Variants in MXD4 observed in about 807,000 individuals in gnomAD.
MXD4 encodes the protein MAX dimerization protein 4.
Under a neutral mutation model 24.5 loss-of-function variants are expected in MXD4, and 16 were observed. The observed-to-expected ratio is 0.65, with a 90% CI of 0.44 to 0.99. MXD4 has a LOEUF of 0.99. Ranked by LOEUF, MXD4 falls within the 50% of genes least tolerant of loss-of-function variation. The pLI is 0.00. For missense variants in MXD4, 301 were observed against 301.5 expected, an observed-to-expected ratio of 1.00 and a Z score of 0.01; for synonymous variants, 164 against 134.2, an observed-to-expected ratio of 1.22 and a Z score of -1.54.
At chr4:2,252,014 G>GTC (rs1735333938) in intron 4 of MXD4, among the ~76,000 whole-genome samples, 1 of 151,966 alleles carries the variant, frequency 6.6e-6, no homozygotes, top group African/African-American at 2.4e-5. Flanking sequence ...CCTACTTTTA[G>GTC]TCTGCCTTCT....
chr4:2,255,546 C>T (rs1735408646), intron 3 of MXD4, among the ~76,000 whole-genome samples: 1 of 152,174 alleles, frequency 6.6e-6, no homozygotes, highest in Admixed American at 6.5e-5. Context: ...CCCCACCCAC[C>T]CCTCTGAGCC....
Position 2,248,976 on chromosome 4 carries a change from C to T in MXD4, c.*1568G>A, listed in dbSNP as rs1237372240. The T allele has an allele frequency of 6.6e-6, 1 of 152,326 alleles. No individual in the cohort carries two copies. The highest frequency in any genetic ancestry group is 1.5e-5 in the Non-Finnish European group (1 of 68,116). 9.4% of individuals were successfully genotyped at this position (152,326 alleles called of 1,614,324 possible). On this transcript the variant is annotated 3_prime_UTR_variant, in exon 6 of 6. Transcript: ENST00000337190. ...CAGTGTCTGAAACCTGGAACCCTCGCCTAGGCCAGGAAGCAGGGGGCTCGA... is the reference window on the plus strand; with the variant it reads ...CAGTGTCTGAAACCTGGAACCCTCGTCTAGGCCAGGAAGCAGGGGGCTCGA...
chr4:2,256,846 G>A (rs1183605708), intron 3 of MXD4, among the ~76,000 whole-genome samples: 1 of 152,064 alleles, frequency 6.6e-6, no homozygotes, highest in Admixed American at 6.5e-5. Context: ...CCATTGGGGG[G>A]CTGTCCTCCC....
rs1735311225 is a variant in MXD4 at position 2,251,088 on chromosome 4, C to A, written c.468G>T (p.Glu156Asp). The change falls in exon 5 of 6, where the codon GAG becomes GAT. Residue 156 changes from glutamate (E) to aspartate (D), a missense_variant. Coordinates refer to ENST00000337190, the MANE Select transcript of MXD4 (RefSeq NM_006454.3). ...GCCCCGCGCCCCACGCCCCACCTTG[C>A]TCTGAGTCGTCCGTGGAGACAGCAG... ...TGSAVSTDDS[E>D]QEVDIEGMEF... The A allele has an allele frequency of 6.4e-7, 1 of 1,572,600 alleles. No individual in the cohort carries two copies. Among genetic ancestry groups the A allele is most frequent in the Non-Finnish European group, 8.7e-7 (1 of 1,154,012 alleles).
At chr4:2,255,658 C>G (rs147288544) in intron 3 of MXD4, among the ~76,000 whole-genome samples, 1 of 152,220 alleles carries the variant, frequency 6.6e-6, no homozygotes, top group Admixed American at 6.5e-5. Context: ...CCACGGCTGT[C>G]CCTGGGCATC....
intron 4 of MXD4, among the ~76,000 whole-genome samples, chr4:2,251,920 C>T (rs1032111562): frequency 1.2e-4 from 19 of 152,310 alleles, no homozygotes; most frequent in South Asian, 8.3e-4. Context: ...CTTTGGGGGG[C>T]GGTCCCAGGG....
intron 2 of MXD4, among the ~76,000 whole-genome samples, chr4:2,261,186 G>A (rs1347696364): frequency 2.0e-5 from 3 of 152,216 alleles, no homozygotes; most frequent in African/African-American, 4.8e-5. Context: ...GAGGAGTGAG[G>A]GCCCAGGACA....
At chr4:2,261,882 A>T (rs1577826548) in intron 1 of MXD4, 35 bp downstream of exon 1, 1 of 1,404,780 alleles carries the variant, frequency 7.1e-7, no homozygotes, top group East Asian at 3.1e-5. Flanking sequence ...CCGCCCGCCC[A>T]CCGCCGCGGG....
chr4:2,258,079 T>G (rs1735466860), intron 2 of MXD4, 68 bp from the exon 3 acceptor site: 1 of 1,594,410 alleles, frequency 6.3e-7, no homozygotes, highest in Non-Finnish European at 8.6e-7. Context: ...AGAGCAGTGC[T>G]CTCCTAGGGG....
At chr4:2,253,747 G>A (rs1432575184) in intron 3 of MXD4, 2 of 152,294 alleles carry the variant, frequency 1.3e-5, no homozygotes, top group Non-Finnish European at 2.9e-5. Context: ...AGAAGGAGGG[G>A]GCTGCTGGGT....
chr4:2,250,394 C>T lies in MXD4; in HGVS notation c.*150G>A, dbSNP rs1735292552. The T allele has an allele frequency of 1.0e-5, 11 of 1,080,290 alleles. No individual in the cohort carries two copies. Among genetic ancestry groups the T allele is most frequent in the Admixed American group, 6.0e-5 (2 of 33,534 alleles). 66.9% of individuals were successfully genotyped at this position (1,080,290 alleles called of 1,614,324 possible). On this transcript the variant is annotated 3_prime_UTR_variant, in exon 6 of 6. Transcript: ENST00000337190. ...AGCTCGGCAGGCCCTGACCGGCAAG[C>T]GGGCAGTGCCAGGCAGCCCAGCAGC...
In MXD4 at chr4:2,259,899, G is replaced by C. The variant is rs574332581; in HGVS notation, c.164+1826C>G. Among the ~76,000 whole-genome samples, 5 of 152,274 alleles carry C rather than the reference G, an allele frequency of 3.3e-5. No homozygotes were observed. The South Asian group carries it at 1.0e-3, about 32-fold the overall frequency. ...GTGCTCTGCCGCCTCCCTCAACCCTGACACTGTCCTCCGGCCCCACTCCCT... is the reference window on the plus strand; with the variant it reads ...GTGCTCTGCCGCCTCCCTCAACCCTCACACTGTCCTCCGGCCCCACTCCCT... On this transcript the variant is annotated intron_variant, in intron 2 of 5. Coordinates refer to ENST00000337190, the MANE Select transcript of MXD4 (RefSeq NM_006454.3).
At position 2,261,764 on chromosome 4, in the gene MXD4, G is replaced by T; in HGVS notation, c.125C>A (p.Thr42Lys). Residue 42 changes from threonine (T) to lysine (K), a missense_variant, in exon 2 of 6, where the codon ACA becomes AAA. Physicochemically the swap from Thr to Lys is moderately conservative, Grantham distance 78. Transcript: ENST00000337190. Reference protein sequence around the residue: ...PFDGDFAREKTKAAGLVRKAP... With the variant: ...PFDGDFAREKKKAAGLVRKAP... ...CTTGCGCACCAGGCCGGCCGCCTTT[G>T]TTTTCTCCCTGGCGAAGTCGCCGTC... 1.4e-6 allele frequency: 2 copies of T among 1,432,260 alleles called. No individual in the cohort carries two copies. Among genetic ancestry groups the T allele is most frequent in the Non-Finnish European group, 9.2e-7 (1 of 1,085,952 alleles). 88.7% of individuals were successfully genotyped at this position (1,432,260 alleles called of 1,614,324 possible). A position where few individuals can be genotyped will look rare whatever the true frequency, so the allele number is the denominator to read the frequency against.
Position 2,250,464 on chromosome 4 carries a change from CT to C in MXD4, c.*79del. 2.4e-5 allele frequency: 34 copies of C among 1,434,596 alleles called. No homozygotes were observed. The highest frequency in any genetic ancestry group is 3.1e-5 in the Non-Finnish European group (33 of 1,080,322). 88.9% of individuals were successfully genotyped at this position (1,434,596 alleles called of 1,614,324 possible). On this transcript the variant is annotated 3_prime_UTR_variant, in exon 6 of 6. Transcript: ENST00000337190. ...GCACAGCAGTGGGCCTGTGGAGAGG[CT>C]GGCGTCAACTGAAGGAGAACTGGAG...
chr4:2,251,385 G>A, intron 4 of MXD4, 139 bp from the exon 5 acceptor site: 5 of 1,108,306 alleles, frequency 4.5e-6, no homozygotes, highest in South Asian at 1.8e-5. Flanking sequence ...CAGGCCACAG[G>A]GTGCCCAGTC....
At position 2,261,473 on chromosome 4, in the gene MXD4, G is replaced by A. The variant is rs555118420; in HGVS notation, c.164+252C>T. 1.5e-3 allele frequency among the ~76,000 whole-genome samples: 226 copies of A among 151,950 alleles called. 2 individuals are homozygous for A. The highest frequency in any genetic ancestry group is 5.2e-3 in the African/African-American group (214 of 41,472). On this transcript the variant is annotated intron_variant, in intron 2 of 5. Transcript: ENST00000337190. ...GCGGGAGCGGACCCCGGCGGCGGGC[G>A]CTGTACGCGTGGCACTGTTTACGCG...
intron 2 of MXD4, among the ~76,000 whole-genome samples, chr4:2,260,195 C>T (rs1442413071): frequency 6.6e-6 from 1 of 152,212 alleles, no homozygotes; most frequent in African/African-American, 2.4e-5. Flanking sequence ...GGGGAGCCCT[C>T]TGTCTCCCTC....
At chr4:2,253,728 G>C (rs1056563211) in intron 3 of MXD4, 2 of 152,324 alleles carry the variant, frequency 1.3e-5, no homozygotes, top group African/African-American at 4.8e-5. Context: ...GGACAGAGGA[G>C]GAGCCTGAAG....
Position 2,261,949 on chromosome 4 carries a change from T to C in MXD4, c.32A>G (p.Glu11Gly). 1 of 1,450,540 alleles carries C rather than the reference T, an allele frequency of 6.9e-7. No homozygotes were observed. Among genetic ancestry groups the C allele is most frequent in the Non-Finnish European group, 9.1e-7 (1 of 1,098,012 alleles). The allele number at this position is 1,450,540 out of a possible 1,614,324, so 89.9% of individuals were successfully genotyped here. The change falls in exon 1 of 6, where the codon GAG (glutamate) becomes GGG (glycine). Residue 11 changes from glutamate to glycine, a missense_variant. Physicochemically the swap from Glu to Gly is moderately conservative, Grantham distance 98. Transcript: ENST00000337190. ...CCTGCGCTCCAGGTACTCGGCCGCC[T>C]CCAGCAGGATCAGCAGGGAGTTCAG... MELNSLLILL[E>G]AAEYLERRDR...
Sources: allele counts gnomAD v4.1 joint callset (sites outside exome capture counted in the v4.1 genomes callset), GRCh38; gene constraint gnomAD v4.1.1; transcripts MANE v1.5; gene names NCBI Gene and HGNC (gene_info 2026-07-23, HGNC 2026-07-21).